CCDC85A: variants seen among roughly 807,000 people sequenced by gnomAD.
CCDC85A encodes the protein coiled-coil domain-containing protein 85A.
CCDC85A carries 38 observed loss-of-function variants against 50.2 expected under a neutral mutation model. The ratio of observed to expected loss-of-function variants is 0.76; its 90% CI spans 0.58 to 0.99. CCDC85A has a LOEUF of 0.99. Ranked by LOEUF, CCDC85A falls within the 50% of genes least tolerant of loss-of-function variation. CCDC85A has a pLI of 0.00. For synonymous variants in CCDC85A, 366 were observed against 301.4 expected, an observed-to-expected ratio of 1.21 and a Z score of -2.22; for missense variants, 820 against 742.0, an observed-to-expected ratio of 1.11 and a Z score of -1.22.
chr2:56,200,795 T>G (rs1250487686), intron 2 of CCDC85A, among the ~76,000 whole-genome samples: 1 of 152,016 alleles, frequency 6.6e-6, no homozygotes. Context: ...ATAGTAAAAT[T>G]TATGTGTATT....
chr2:56,293,475 A>G (rs1401653601), intron 2 of CCDC85A, among the ~76,000 whole-genome samples: 1 of 152,218 alleles, frequency 6.6e-6, no homozygotes, highest in East Asian at 1.9e-4. Context: ...AAAATTGACA[A>G]ATGGGATCTA....
At position 56,267,155 on chromosome 2, in the gene CCDC85A, G is replaced by C. The variant is rs77857349; in HGVS notation, c.1240+73715G>C. On this transcript the variant is annotated intron_variant, in intron 2 of 5. Transcript: ENST00000407595. ...GAGAAGTAGATGCTGTTCTAAAATG[G>C]AACAATTTTCACTGGCCCTAAAAAT... Among the ~76,000 whole-genome samples the C allele has an allele frequency of 4.1e-3, 622 of 152,094 alleles. 5 individuals carry two copies. Among genetic ancestry groups the C allele is most frequent in the African/African-American group, 0.01 (416 of 41,474 alleles).
intron 3 of CCDC85A, among the ~76,000 whole-genome samples, chr2:56,346,695 A>G (rs1674648184): frequency 6.6e-6 from 1 of 152,240 alleles, no homozygotes; most frequent in South Asian, 2.1e-4. Context: ...TATTATTGAG[A>G]AGAAAATGCC....
chr2:56,252,294 C>T (rs1177209346), intron 2 of CCDC85A, among the ~76,000 whole-genome samples: 1 of 152,124 alleles, frequency 6.6e-6, no homozygotes, highest in Non-Finnish European at 1.5e-5. Context: ...GATCCACCTG[C>T]CTCGGCCTCT....
chr2:56,291,866 T>C (rs1671726306), intron 2 of CCDC85A, among the ~76,000 whole-genome samples: 1 of 151,206 alleles, frequency 6.6e-6, no homozygotes, highest in Non-Finnish European at 1.5e-5. Context: ...GAAGGGAGAA[T>C]TGTAGCCAGG....
chr2:56,245,435 G>T (rs1669458571), intron 2 of CCDC85A, among the ~76,000 whole-genome samples: 1 of 152,232 alleles, frequency 6.6e-6, no homozygotes, highest in South Asian at 2.1e-4. Flanking sequence ...GGAGGAGGGG[G>T]TGGCCTCAGC....
intron 2 of CCDC85A, among the ~76,000 whole-genome samples, chr2:56,279,641 T>C (rs1318376147): frequency 8.5e-5 from 13 of 152,244 alleles, no homozygotes; most frequent in Non-Finnish European, 1.6e-4. Context: ...GATCAACTTT[T>C]TTAGACTCCA....
chr2:56,208,215 A>G (rs1343223926), intron 2 of CCDC85A, among the ~76,000 whole-genome samples: 2 of 152,184 alleles, frequency 1.3e-5, no homozygotes, highest in African/African-American at 4.8e-5. Context: ...AGTTCTTATA[A>G]GAATATGTTA....
At chr2:56,269,048 T>C (rs1670583714) in intron 2 of CCDC85A, among the ~76,000 whole-genome samples, 1 of 152,192 alleles carries the variant, frequency 6.6e-6, no homozygotes, top group African/African-American at 2.4e-5. Flanking sequence ...TGAATACTTA[T>C]TTCAGGACTT....
chr2:56,244,064 A>T lies in CCDC85A; in HGVS notation c.1240+50624A>T, dbSNP rs1237568816. On this transcript the variant is annotated intron_variant, in intron 2 of 5. Transcript: ENST00000407595. ...GTCTTGCCTAAGGCCCACTATAACCACTACCTGTCTACTGCCTATGTTCAC... is the reference window on the plus strand; with the variant it reads ...GTCTTGCCTAAGGCCCACTATAACCTCTACCTGTCTACTGCCTATGTTCAC... 2.0e-5 allele frequency among the ~76,000 whole-genome samples: 3 copies of T among 152,094 alleles called. No homozygotes were observed. The East Asian group carries it at 5.8e-4, about 29-fold the overall frequency.
chr2:56,292,378 C>T (rs562658697), intron 2 of CCDC85A, among the ~76,000 whole-genome samples: 23 of 152,166 alleles, frequency 1.5e-4, no homozygotes, highest in Admixed American at 3.3e-4. Context: ...CCACCACATC[C>T]GGCCTGAGTT....
intron 2 of CCDC85A, among the ~76,000 whole-genome samples, chr2:56,264,303 A>T (rs1340582242): frequency 6.6e-6 from 1 of 152,064 alleles, no homozygotes; most frequent in Non-Finnish European, 1.5e-5. Context: ...CACACCTAAC[A>T]TGTCTAAAAT....
In CCDC85A at chr2:56,326,536, G is replaced by A. The variant is rs557428129; in HGVS notation, c.1241-16343G>A. Reference sequence around the variant, plus strand: ...TTTTCCTGACCAGAACTTTCCCTCCGTACTACACTATTGTGAAGTGTTTCT... The same window carrying A: ...TTTTCCTGACCAGAACTTTCCCTCCATACTACACTATTGTGAAGTGTTTCT... On this transcript the variant is annotated intron_variant, in intron 2 of 5. Transcript: ENST00000407595. Among the ~76,000 whole-genome samples the A allele has an allele frequency of 3.3e-5, 5 of 152,122 alleles. No homozygotes were observed. The East Asian group carries it at 5.8e-4, about 18-fold the overall frequency.
At chr2:56,212,084 C>A (rs1311607897) in intron 2 of CCDC85A, among the ~76,000 whole-genome samples, 1 of 152,052 alleles carries the variant, frequency 6.6e-6, no homozygotes, top group Non-Finnish European at 1.5e-5. Context: ...CACACTCACA[C>A]CCCAAGTTGG....
intron 2 of CCDC85A, among the ~76,000 whole-genome samples, chr2:56,258,178 G>T (rs951801701): frequency 1.3e-5 from 2 of 152,124 alleles, no homozygotes; most frequent in Admixed American, 6.5e-5. Context: ...GGTAAGAGGT[G>T]GGGGAGGCCA....
chr2:56,279,528 A>G (rs1474202805), intron 2 of CCDC85A, among the ~76,000 whole-genome samples: 1 of 152,082 alleles, frequency 6.6e-6, no homozygotes, highest in Non-Finnish European at 1.5e-5. Flanking sequence ...AAATATTTCT[A>G]CTATTTTAAC....
At chr2:56,193,579 C>A in intron 2 of CCDC85A, 139 bp downstream of exon 2, 1 of 907,560 alleles carries the variant, frequency 1.1e-6, no homozygotes, top group Non-Finnish European at 1.6e-6. Flanking sequence ...AAATGTTGGA[C>A]CCAAAATCAT....
At chr2:56,349,531 G>T (rs1163464191) in intron 3 of CCDC85A, among the ~76,000 whole-genome samples, 1 of 152,098 alleles carries the variant, frequency 6.6e-6, no homozygotes, top group Admixed American at 6.5e-5. Context: ...AATGTGTAAG[G>T]CAACATGGAG....
chr2:56,193,879 A>C (rs1404755236), intron 2 of CCDC85A, among the ~76,000 whole-genome samples: 1 of 152,238 alleles, frequency 6.6e-6, no homozygotes, highest in African/African-American at 2.4e-5. Context: ...TATATACAAG[A>C]AGATATGAAT....
Sources: allele counts gnomAD v4.1 joint callset (sites outside exome capture counted in the v4.1 genomes callset), GRCh38; gene constraint gnomAD v4.1.1; transcripts MANE v1.5; gene names NCBI Gene and HGNC (gene_info 2026-07-23, HGNC 2026-07-21).